Variants in GDPD4 observed in about 807,000 individuals in gnomAD.
GDPD4 encodes glycerophosphodiester phosphodiesterase domain containing 4, also known as glycerophosphodiester phosphodiesterase 6.
GDPD4 carries 60 observed loss-of-function variants against 67.8 expected under a neutral mutation model. That is an observed-to-expected ratio of 0.88 (90% CI 0.72 to 1.10). The LOEUF (loss-of-function observed/expected upper bound fraction) is 1.10, where lower values mean the gene tolerates loss of function less well. GDPD4 is among the 50% of genes least tolerant of loss of function. The probability of loss-of-function intolerance (pLI) is 0.00; values close to 1 mark genes in which losing one functional copy is unlikely to be tolerated. For synonymous variants in GDPD4, 212 were observed against 210.9 expected, an observed-to-expected ratio of 1.00 and a Z score of -0.04; for missense variants, 623 against 613.9, an observed-to-expected ratio of 1.01 and a Z score of -0.16.
intron 1 of GDPD4, among the ~76,000 whole-genome samples, chr11:77,297,226 T>C (rs2135899792): frequency 6.6e-6 from 1 of 152,020 alleles, no homozygotes; most frequent in East Asian, 1.9e-4. Context: ...TTTTCCTGTA[T>C]ATTTTAAATA....
intron 16 of GDPD4, among the ~76,000 whole-genome samples, chr11:77,220,292 CAAAGGGAATGCTTCCAGTTTTT>C (rs1424338895): frequency 6.6e-6 from 1 of 152,184 alleles, no homozygotes; most frequent in African/African-American, 2.4e-5. Flanking sequence ...TGCCAGTTTT[CAAAGGGAATGCTTCCAGTTTTT>C]ACCCATTCAG....
chr11:77,255,030 A>G (rs972107465), intron 11 of GDPD4, among the ~76,000 whole-genome samples: 8 of 150,918 alleles, frequency 5.3e-5, no homozygotes, highest in Admixed American at 5.3e-4. Flanking sequence ...GATCAAACCT[A>G]AAGATAAAGT....
rs542322856 is a variant in GDPD4, at chr11:77,280,595, G to T, written c.54-1196C>A. On this transcript the variant is annotated intron_variant, in intron 3 of 16. Transcript: ENST00000315938. Reference sequence around the variant, plus strand: ...TTCTAATCATTTTACTGGTCACATTGATATTTTATTTTAATCCCTTTCTAC... The same window carrying T: ...TTCTAATCATTTTACTGGTCACATTTATATTTTATTTTAATCCCTTTCTAC... 1.4e-3 allele frequency among the ~76,000 whole-genome samples: 207 copies of T among 152,190 alleles called. 2 individuals carry two copies. Among genetic ancestry groups the T allele is most frequent in the African/African-American group, 4.8e-3 (201 of 41,518 alleles).
At chr11:77,218,953 G>A (rs7934949) in intron 16 of GDPD4, among the ~76,000 whole-genome samples, 31,240 of 152,168 alleles carry the variant, frequency 0.21, 4,259 homozygotes, top group Non-Finnish European at 0.3. Flanking sequence ...CTAGATCCTC[G>A]AGGAATCGCC....
intron 11 of GDPD4, among the ~76,000 whole-genome samples, chr11:77,247,248 T>C (rs951766315): frequency 1.3e-5 from 2 of 152,124 alleles, no homozygotes; most frequent in Non-Finnish European, 2.9e-5. Context: ...CTCAGGACAA[T>C]AGAAATATGC....
chr11:77,283,342 G>A (rs1959844955), intron 3 of GDPD4, among the ~76,000 whole-genome samples: 1 of 152,166 alleles, frequency 6.6e-6, no homozygotes, highest in African/African-American at 2.4e-5. Flanking sequence ...GTGTCATTTT[G>A]ATGACCAGAG....
chr11:77,280,835 G>A (rs546849108), intron 3 of GDPD4, among the ~76,000 whole-genome samples: 3 of 152,214 alleles, frequency 2.0e-5, no homozygotes, highest in South Asian at 2.1e-4. Context: ...TGGTAGTGGC[G>A]TGAAAAAAGG....
At chr11:77,274,930 T>C (rs898568420) in intron 5 of GDPD4, among the ~76,000 whole-genome samples, 1 of 152,166 alleles carries the variant, frequency 6.6e-6, no homozygotes, top group Non-Finnish European at 1.5e-5. Context: ...GGTTGGTTAA[T>C]GAGAACATAC....
At chr11:77,229,834 C>T (rs1958421566) in intron 14 of GDPD4, among the ~76,000 whole-genome samples, 4 of 152,162 alleles carry the variant, frequency 2.6e-5, no homozygotes, top group South Asian at 4.1e-4. Flanking sequence ...TTCTATGCTC[C>T]TTGCCCAAAT....
Position 77,235,976 on chromosome 11 carries a change from C to A in GDPD4, c.1242-2804G>T, listed in dbSNP as rs76189301. Among the ~76,000 whole-genome samples, 469 of 82,660 alleles carry A rather than the reference C, an allele frequency of 5.7e-3. 1 individual carries two copies. Among genetic ancestry groups the A allele is most frequent in the African/African-American group, 9.1e-3 (206 of 22,656 alleles). 54.2% of individuals were successfully genotyped at this position (82,660 alleles called of 152,430 possible). On this transcript the variant is annotated intron_variant, in intron 13 of 16. Coordinates refer to ENST00000315938, the MANE Select transcript of GDPD4 (RefSeq NM_182833.3). Reference sequence around the variant, plus strand: ...GTCTCTATTAAAAACAAAAAAAAAACAAAAAAAAAAACAAATTGAAGAGAT... The same window carrying A: ...GTCTCTATTAAAAACAAAAAAAAAAAAAAAAAAAAAACAAATTGAAGAGAT...
chr11:77,264,587 T>A (rs1340622076), intron 10 of GDPD4, among the ~76,000 whole-genome samples: 2 of 151,806 alleles, frequency 1.3e-5, no homozygotes, highest in African/African-American at 4.8e-5. Flanking sequence ...GCTGAGAGAG[T>A]AAGATGAAAA....
intron 13 of GDPD4, among the ~76,000 whole-genome samples, chr11:77,236,039 A>G (rs995779722): frequency 1.3e-5 from 2 of 151,984 alleles, no homozygotes; most frequent in Non-Finnish European, 2.9e-5. Flanking sequence ...TAAAAAATAA[A>G]AAGAGAGGGA....
chr11:77,241,413 A>AT (rs1958661872), intron 13 of GDPD4, among the ~76,000 whole-genome samples: 1 of 151,894 alleles, frequency 6.6e-6, no homozygotes, highest in South Asian at 2.1e-4. Flanking sequence ...GCTCACACCT[A>AT]TAATTCCAGC....
At chr11:77,252,222 C>T (rs1218456961) in intron 11 of GDPD4, among the ~76,000 whole-genome samples, 1 of 152,018 alleles carries the variant, frequency 6.6e-6, no homozygotes, top group African/African-American at 2.4e-5. Context: ...GCCACCACAC[C>T]TGGCTAATTT....
intron 7 of GDPD4, among the ~76,000 whole-genome samples, 157 bp from the exon 8 acceptor site, chr11:77,270,117 A>ACC (rs1959201698): frequency 6.6e-6 from 1 of 152,136 alleles, no homozygotes; most frequent in Non-Finnish European, 1.5e-5. Flanking sequence ...TTGCCTGCAT[A>ACC]CCCCCACAGG....
At position 77,271,303 on chromosome 11, in the gene GDPD4, A is replaced by C. The variant is rs767194302; in HGVS notation, c.298T>G (p.Ser100Ala). ...TATAGGATGATGCTTACCTGCATTG[A>C]CAGCCCAGCTACCAGCCACCTTTCT... is the stretch of plus-strand genomic sequence containing the variant. ...WKERWLVAGL[S>A]MQIFAPYVHL... is the part of the protein sequence containing the mutation. Residue 100 changes from serine (S) to alanine (A), a missense_variant, in exon 6 of 17, where the codon TCA (serine) becomes GCA (alanine). By Grantham distance (99) the Ser-to-Ala change is moderately conservative (BLOSUM62 1). Coordinates refer to ENST00000315938, the MANE Select transcript of GDPD4 (RefSeq NM_182833.3). 11 of 1,612,962 alleles carry C rather than the reference A, an allele frequency of 6.8e-6. No homozygotes were observed. The Admixed American group carries it at 1.7e-4, about 24-fold the overall frequency.
At chr11:77,300,118 TCCTGACTCATTCTGATTACCAGCTCTGC>T (rs373576150) in intron 1 of GDPD4, among the ~76,000 whole-genome samples, 3,650 of 152,108 alleles carry the variant, frequency 0.024, 158 homozygotes, top group African/African-American at 0.084. Context: ...ACCTGCTCCA[TCCTGACTCATTCTGATTACCAGCTCTGC>T]CCTGACTCAT....
chr11:77,227,762 G>T, intron 16 of GDPD4, 102 bp downstream of exon 16: 2 of 484,594 alleles, frequency 4.1e-6, no homozygotes, highest in Non-Finnish European at 8.2e-6. Context: ...CAACTTTCCA[G>T]ACACCCTCAG....
At chr11:77,297,468 G>A (rs570199509) in intron 1 of GDPD4, among the ~76,000 whole-genome samples, 12 of 151,018 alleles carry the variant, frequency 7.9e-5, no homozygotes, top group Admixed American at 2.0e-4. Context: ...CCCGGGAGGC[G>A]GAGCTTGCAG....
Sources: gnomAD v4.1 joint callset for allele counts (sites outside exome capture counted in the v4.1 genomes callset) on GRCh38, gnomAD v4.1.1 for gene constraint, MANE v1.5 for transcripts, NCBI Gene and HGNC (gene_info 2026-07-23, HGNC 2026-07-21) for gene names.